Variants in SREBF2 observed in about 807,000 individuals in gnomAD.
The protein encoded by SREBF2 is sterol regulatory element-binding protein 2.
A neutral mutation model predicts 113.1 loss-of-function variants in SREBF2; 55 were observed. That is an observed-to-expected ratio of 0.49 (90% CI 0.39 to 0.61). SREBF2 has a LOEUF of 0.61. SREBF2 is among the 20% of genes least tolerant of loss of function. The pLI, the probability that SREBF2 is intolerant of heterozygous loss-of-function variation, is 0.00. For missense variants in SREBF2, 1,349 were observed against 1,487.4 expected, an observed-to-expected ratio of 0.91 and a Z score of 1.53; for synonymous variants, 593 against 605.7, an observed-to-expected ratio of 0.98 and a Z score of 0.31.
chr22:41,895,976 C>T (rs1015317881), intron 13 of SREBF2, among the ~76,000 whole-genome samples: 1 of 151,826 alleles, frequency 6.6e-6, no homozygotes, highest in African/African-American at 2.4e-5. Context: ...ACCCCGTCTA[C>T]TAAAAATACA....
intron 1 of SREBF2, among the ~76,000 whole-genome samples, chr22:41,842,041 A>G (rs903252042): frequency 2.0e-5 from 3 of 152,248 alleles, no homozygotes; most frequent in East Asian, 1.9e-4. Flanking sequence ...TGGGTAACAC[A>G]CTATCAGCTG....
Position 41,833,435 on chromosome 22 carries a change from C to A in SREBF2, c.88+77C>A. On this transcript the variant is annotated intron_variant, in intron 1 of 18. Transcript: ENST00000361204. This position sits in a 1 kb window ranked among gnomAD's most constrained non-coding sequence, Gnocchi z 4.1. Reference sequence around the variant, plus strand: ...ACGGCGGCGCGCCCGGGTGCGCGTGCGCCCACCCCCCGACAGCCCCGGTTC... The same window carrying A: ...ACGGCGGCGCGCCCGGGTGCGCGTGAGCCCACCCCCCGACAGCCCCGGTTC... 1 of 1,313,700 alleles carries A rather than the reference C, an allele frequency of 7.6e-7. No homozygotes were observed. The highest frequency in any genetic ancestry group is 1.0e-6 in the Non-Finnish European group (1 of 954,476). The allele number at this position is 1,313,700 out of a possible 1,614,324, so 81.4% of individuals were successfully genotyped here.
In SREBF2 at chr22:41,867,046, C is replaced by G. The variant is rs201999144; in HGVS notation, c.304C>G (p.Pro102Ala). 2 of 1,614,206 alleles carry G rather than the reference C, an allele frequency of 1.2e-6. No homozygotes were observed. The highest frequency in any genetic ancestry group is 1.3e-5 in the African/African-American group (1 of 75,040). ...FTQVTLPSFS[P>A]SAASPQAPTL... ...CCAGGTCACATTACCTTCCTTCTCTCCCTCGGCGGCCTCCCCACAGGCTCC... is the reference window on the plus strand; with the variant it reads ...CCAGGTCACATTACCTTCCTTCTCTGCCTCGGCGGCCTCCCCACAGGCTCC... The change falls in exon 2 of 19, where the codon CCC becomes GCC. Residue 102 changes from proline to alanine, a missense_variant. Transcript: ENST00000361204.
At chr22:41,886,655 A>G (rs2077301997) in intron 11 of SREBF2, among the ~76,000 whole-genome samples, 1 of 152,136 alleles carries the variant, frequency 6.6e-6, no homozygotes, top group South Asian at 2.1e-4. Flanking sequence ...AACCAAGGTA[A>G]CCACTCTTCT....
intron 2 of SREBF2, 132 bp downstream of exon 2, chr22:41,867,412 C>A: frequency 1.0e-6 from 1 of 978,828 alleles, no homozygotes; most frequent in Non-Finnish European, 1.6e-6. Context: ...GAATGAGGTT[C>A]TGGTAACTGG....
At chr22:41,864,322 TA>T (rs1184462067) in intron 1 of SREBF2, among the ~76,000 whole-genome samples, 4,536 of 103,170 alleles carry the variant, frequency 0.044, 202 homozygotes, top group South Asian at 0.063. Context: ...TATATATATA[TA>T]TTTTTTTTTT....
intron 1 of SREBF2, among the ~76,000 whole-genome samples, chr22:41,848,108 A>G (rs1253426960): frequency 6.6e-6 from 1 of 151,348 alleles, no homozygotes; most frequent in Non-Finnish European, 1.5e-5. Context: ...TTATTTATTT[A>G]TTATTATTAT....
At chr22:41,904,547 G>A in intron 17 of SREBF2, 2 of 574,210 alleles carry the variant, frequency 3.5e-6, no homozygotes, top group Middle Eastern at 2.7e-4. Flanking sequence ...AGCCTCCAGG[G>A]CCTTGGGGCT....
intron 1 of SREBF2, among the ~76,000 whole-genome samples, chr22:41,850,114 TG>T (rs1349074701): frequency 6.6e-6 from 1 of 151,180 alleles, no homozygotes; most frequent in African/African-American, 2.4e-5. Flanking sequence ...CACTCTAGCC[TG>T]GGTGACAGAG....
In SREBF2 at chr22:41,840,100, A is replaced by G. The variant is rs141488456; in HGVS notation, c.88+6742A>G. On this transcript the variant is annotated intron_variant, in intron 1 of 18. Transcript: ENST00000361204. ...CAGCCTCCCAAGTAGCTGGGATTAT[A>G]GGCACCCACCTCCACACCCAGCTAA... is the stretch of plus-strand genomic sequence containing the variant. 5.0e-3 allele frequency among the ~76,000 whole-genome samples: 762 copies of G among 151,528 alleles called. 5 individuals are homozygous for G. The highest frequency in any genetic ancestry group is 0.018 in the African/African-American group (729 of 41,258).
Position 41,897,041 on chromosome 22 carries a change from T to A in SREBF2, c.2496-11T>A, listed in dbSNP as rs566954535. ...TTTTGATGTACATGGGACCCTTTCT[T>A]TTCTTCCTAGTGAATTCTCCAGTGC... On this transcript the variant is annotated splice_polypyrimidine_tract_variant and intron_variant, in intron 13 of 18. Transcript: ENST00000361204. 1 of 1,599,726 alleles carries A rather than the reference T, an allele frequency of 6.3e-7. No homozygotes were observed. The highest frequency in any genetic ancestry group is 2.2e-5 in the East Asian group (1 of 44,764).
chr22:41,902,598 C>T (rs2077474103), intron 16 of SREBF2, among the ~76,000 whole-genome samples: 2 of 152,172 alleles, frequency 1.3e-5, no homozygotes, highest in Non-Finnish European at 1.5e-5. Flanking sequence ...GTATCTCAGC[C>T]TCCTAGCCAG....
chr22:41,899,789 A>T (rs1213725325), intron 15 of SREBF2, among the ~76,000 whole-genome samples: 10 of 152,058 alleles, frequency 6.6e-5, no homozygotes, highest in African/African-American at 9.7e-5. Context: ...GACAGCCAAG[A>T]CACCCCTGCA....
intron 10 of SREBF2, among the ~76,000 whole-genome samples, chr22:41,883,376 A>G (rs2077268201): frequency 6.6e-6 from 1 of 152,182 alleles, no homozygotes; most frequent in Non-Finnish European, 1.5e-5. Flanking sequence ...CAGTGGGGCC[A>G]TTGTGCAGCT....
At chr22:41,849,600 C>T (rs1478591309) in intron 1 of SREBF2, among the ~76,000 whole-genome samples, 1 of 152,008 alleles carries the variant, frequency 6.6e-6, no homozygotes, top group Non-Finnish European at 1.5e-5. Context: ...TTCTTGAATG[C>T]GTGTCTTAAG....
chr22:41,901,880 G>A (rs1602351419), intron 16 of SREBF2, among the ~76,000 whole-genome samples: 1 of 152,256 alleles, frequency 6.6e-6, no homozygotes, highest in Non-Finnish European at 1.5e-5. Context: ...GTAGGAAAGT[G>A]AGCCTAGAAG....
At chr22:41,898,802 A>G (rs377731488) in intron 15 of SREBF2, 21 bp downstream of exon 15, 499 of 1,613,182 alleles carry the variant, frequency 3.1e-4, no homozygotes, top group Non-Finnish European at 4.1e-4. Flanking sequence ...CTCCTTGGCC[A>G]CTCACTTGCT....
rs149663887 is a variant in SREBF2, at chr22:41,868,338, T to G, written c.539-273T>G. On this transcript the variant is annotated intron_variant, in intron 2 of 18. Transcript: ENST00000361204. ...TCTCAACATCTGTTAACTCCCTTGCTGGGTGCAGTCATTTGCTGATTAGCT... is the reference window on the plus strand; with the variant it reads ...TCTCAACATCTGTTAACTCCCTTGCGGGGTGCAGTCATTTGCTGATTAGCT... Among the ~76,000 whole-genome samples, 206 of 152,290 alleles carry G rather than the reference T, an allele frequency of 1.4e-3. 1 individual carries two copies. Among genetic ancestry groups the G allele is most frequent in the Non-Finnish European group, 2.2e-3 (153 of 68,014 alleles).
chr22:41,857,066 C>CAAA lies in SREBF2; in HGVS notation c.89-9751_89-9749dup, dbSNP rs533566059. 5.2e-3 allele frequency among the ~76,000 whole-genome samples: 555 copies of CAAA among 106,704 alleles called. 13 individuals carry two copies. The South Asian group carries it at 0.071, about 14-fold the overall frequency. 70.0% of individuals were successfully genotyped at this position (106,704 alleles called of 152,430 possible). A position where few individuals can be genotyped will look rare whatever the true frequency, so the allele number is the denominator to read the frequency against. ...TGGGCAACAGAGCAAGACTCTGTCT[C>CAAA]AAAAAAAAAAAAAAAAGAATTTGAT... On this transcript the variant is annotated intron_variant, in intron 1 of 18. Transcript: ENST00000361204.
Sources: allele counts gnomAD v4.1 joint callset (sites outside exome capture counted in the v4.1 genomes callset), GRCh38; gene constraint gnomAD v4.1.1; non-coding constraint Gnocchi (gnomAD v3.1); transcripts MANE v1.5; gene names NCBI Gene and HGNC (gene_info 2026-07-23, HGNC 2026-07-21).